Variants in ANKUB1 observed in about 807,000 individuals in gnomAD.
The protein encoded by ANKUB1 is protein ANKUB1.
In ANKUB1, 42 loss-of-function variants were observed where a neutral mutation model predicts 49.3. The observed-to-expected ratio is 0.85, with a 90% CI of 0.67 to 1.10. The LOEUF is 1.10. Ranked by LOEUF, ANKUB1 falls within the 50% of genes least tolerant of loss-of-function variation. The probability of loss-of-function intolerance (pLI) is 0.00; values close to 1 mark genes in which losing one functional copy is unlikely to be tolerated. For missense variants in ANKUB1, 613 were observed against 642.0 expected (o/e 0.95, Z 0.49); for synonymous variants, 222 against 231.0 (o/e 0.96, Z 0.35).
chr3:149,791,603 A>G (rs1232718956), intron 1 of ANKUB1, among the ~76,000 whole-genome samples: 4 of 152,244 alleles, frequency 2.6e-5, no homozygotes, highest in Non-Finnish European at 5.9e-5. Flanking sequence ...TCATGTAACT[A>G]TGGTTCAGTA....
At chr3:149,777,331 G>C (rs1717642653) in intron 3 of ANKUB1, among the ~76,000 whole-genome samples, 1 of 152,162 alleles carries the variant, frequency 6.6e-6, no homozygotes, top group Admixed American at 6.5e-5. Context: ...CATTAGCTGG[G>C]AGTGGTGGCG....
rs1271212702 is a variant in ANKUB1 at position 149,781,295 on chromosome 3, A to G, written c.235-840T>C. On this transcript the variant is annotated intron_variant, in intron 2 of 5. Transcript: ENST00000446160. ...TAATACTTCTGTTAACAACAGTTTA[A>G]ACAAGCCAAACCAAAACTCAAAATA... Among the ~76,000 whole-genome samples, 7 of 152,252 alleles carry G rather than the reference A, an allele frequency of 4.6e-5. No individual in the cohort carries two copies. The East Asian group carries it at 1.3e-3, about 29-fold the overall frequency.
chr3:149,785,184 A>G (rs191972543), intron 2 of ANKUB1, among the ~76,000 whole-genome samples: 30 of 152,342 alleles, frequency 2.0e-4, no homozygotes, highest in South Asian at 1.0e-3. Context: ...GGTATATACC[A>G]TAGAAAATAT....
At chr3:149,790,505 A>G (rs898029721) in intron 2 of ANKUB1, among the ~76,000 whole-genome samples, 3 of 152,014 alleles carry the variant, frequency 2.0e-5, no homozygotes, top group Non-Finnish European at 4.4e-5. Context: ...CTTTGTTTTC[A>G]TATCGGTTCT....
chr3:149,765,770 G>C (rs903165848), intron 5 of ANKUB1, among the ~76,000 whole-genome samples: 1 of 152,112 alleles, frequency 6.6e-6, no homozygotes, highest in Non-Finnish European at 1.5e-5. Context: ...AATTTTCCTA[G>C]TATATTTCTA....
intron 5 of ANKUB1, among the ~76,000 whole-genome samples, chr3:149,765,955 A>C (rs1197597364): frequency 1.3e-5 from 2 of 152,248 alleles, no homozygotes; most frequent in Non-Finnish European, 2.9e-5. Context: ...CAACAACCTA[A>C]CTGAAATAAA....
chr3:149,764,569 TCCCTCCCTCCCTCCC>T (rs1716911649), intron 5 of ANKUB1, among the ~76,000 whole-genome samples: 12 of 123,562 alleles, frequency 9.7e-5, no homozygotes, highest in African/African-American at 3.4e-4. Context: ...CTTCCTTCCT[TCCCTCCCTCCCTCCC>T]TCCCTCCCTT....
chr3:149,770,244 TC>T lies in ANKUB1; in HGVS notation c.566+315del, dbSNP rs1717281758. On this transcript the variant is annotated intron_variant, in intron 4 of 5. Transcript: ENST00000446160. ...TATTAGTAGCTAAGTTTTGGGGAAG[TC>T]AAAAGTTATATGGGAATTTTCAACT... Among the ~76,000 whole-genome samples, 4 of 152,274 alleles carry T rather than the reference TC, an allele frequency of 2.6e-5. No homozygotes were observed. The South Asian group carries it at 8.3e-4, about 32-fold the overall frequency.
intron 3 of ANKUB1, among the ~76,000 whole-genome samples, chr3:149,777,869 T>C (rs1717673538): frequency 6.6e-6 from 1 of 152,226 alleles, no homozygotes; most frequent in South Asian, 2.1e-4. Flanking sequence ...AGAGGCAGCT[T>C]TGCAAATGTT....
intron 2 of ANKUB1, among the ~76,000 whole-genome samples, chr3:149,788,962 A>G (rs2108282416): frequency 6.6e-6 from 1 of 151,796 alleles, no homozygotes; most frequent in South Asian, 2.1e-4. Context: ...TTTATTGGAG[A>G]TGGGGCTTCA....
chr3:149,770,726 C>A, intron 3 of ANKUB1, 52 bp from the exon 4 acceptor site: 1 of 1,157,776 alleles, frequency 8.6e-7, no homozygotes, highest in Non-Finnish European at 1.2e-6. Context: ...TGTGGTTTGA[C>A]AATCCATAAA....
At chr3:149,784,317 A>G (rs949070225) in intron 2 of ANKUB1, among the ~76,000 whole-genome samples, 1 of 152,166 alleles carries the variant, frequency 6.6e-6, no homozygotes, top group Non-Finnish European at 1.5e-5. Flanking sequence ...GAAAAGCACA[A>G]CCTGCTGGAT....
Position 149,761,495 on chromosome 3 carries a change from T to A in ANKUB1, c.1624A>T (p.Thr542Ser), listed in dbSNP as rs1274742270. The A allele has an allele frequency of 8.4e-6, 13 of 1,551,374 alleles. No individual in the cohort carries two copies. The highest frequency in any genetic ancestry group is 1.1e-5 in the Non-Finnish European group (13 of 1,146,744). The change falls in exon 6 of 6, where the codon ACT becomes TCT. Residue 542 changes from threonine to serine, a missense_variant. Coordinates refer to ENST00000446160, the MANE Select transcript of ANKUB1 (RefSeq NM_001144960.3). ...GLTACENSLE[T>S]VL ...GTTGTCATGACTTTTCAAAGCACAG[T>A]TTCTAGAGAGTTTTCACACGCTGTC...
chr3:149,766,963 T>C, intron 5 of ANKUB1, 194 bp downstream of exon 5: 1 of 1,013,980 alleles, frequency 9.9e-7, no homozygotes, highest in African/African-American at 1.6e-5. Context: ...ACTGCACAGA[T>C]TGGATTGGCC....
At chr3:149,783,253 C>T (rs144948714) in intron 2 of ANKUB1, 440 of 152,288 alleles carry the variant, frequency 2.9e-3, no homozygotes, top group African/African-American at 9.9e-3. Flanking sequence ...ATCTCTACCT[C>T]TCTGTCTATA....
chr3:149,774,900 G>A (rs556970093), intron 3 of ANKUB1, among the ~76,000 whole-genome samples: 4 of 152,244 alleles, frequency 2.6e-5, no homozygotes, highest in South Asian at 4.1e-4. Flanking sequence ...CTTGAAAAAC[G>A]CTATATTGCT....
At chr3:149,791,688 A>AT (rs1326135807) in intron 1 of ANKUB1, among the ~76,000 whole-genome samples, 2 of 152,180 alleles carry the variant, frequency 1.3e-5, no homozygotes, top group East Asian at 3.8e-4. Context: ...ATTTTGCTTA[A>AT]TTTTTTATTT....
chr3:149,769,948 G>A (rs1717253349), intron 4 of ANKUB1, among the ~76,000 whole-genome samples: 1 of 151,996 alleles, frequency 6.6e-6, no homozygotes, highest in African/African-American at 2.4e-5. Flanking sequence ...GTTCAGTTTG[G>A]GGATTTTCTT....
In ANKUB1 at chr3:149,770,903, G is replaced by A. The variant is rs187061970; in HGVS notation, c.452-229C>T. 5.9e-5 allele frequency among the ~76,000 whole-genome samples: 9 copies of A among 152,340 alleles called. No individual in the cohort carries two copies. In the East Asian group the frequency reaches 1.3e-3, roughly 23 times the overall value. ...ATTTTCTCATCTGCTCAATGATGGC[G>A]TATAGCACTGAAGTATTTTTTTGCA... On this transcript the variant is annotated intron_variant, in intron 3 of 5. Transcript: ENST00000446160.
Sources: allele counts gnomAD v4.1 joint callset (sites outside exome capture counted in the v4.1 genomes callset), GRCh38; gene constraint gnomAD v4.1.1; transcripts MANE v1.5; gene names NCBI Gene and HGNC (gene_info 2026-07-23, HGNC 2026-07-21).